Variants in TRPS1 observed in about 807,000 individuals in gnomAD.
TRPS1 encodes the protein zinc finger transcription factor Trps1.
In TRPS1, 6 loss-of-function variants were observed where a neutral mutation model predicts 101.2. The ratio of observed to expected loss-of-function variants is 0.06; its 90% CI spans 0.03 to 0.12. The LOEUF (loss-of-function observed/expected upper bound fraction) is 0.12. TRPS1 is among the 10% of genes least tolerant of loss of function. The probability of loss-of-function intolerance (pLI) is 1.00; values close to 1 mark genes in which losing one functional copy is unlikely to be tolerated. For synonymous variants in TRPS1, 578 were observed against 589.8 expected, an observed-to-expected ratio of 0.98 and a Z score of 0.29; for missense variants, 1,363 against 1,567.0, an observed-to-expected ratio of 0.87 and a Z score of 2.20.
intron 5 of TRPS1, among the ~76,000 whole-genome samples, chr8:115,491,904 A>C (rs754835584): frequency 3.3e-5 from 5 of 152,120 alleles, no homozygotes; most frequent in Non-Finnish European, 5.9e-5. Flanking sequence ...AGTTAATATA[A>C]ATTTTTATGA....
intron 4 of TRPS1, among the ~76,000 whole-genome samples, chr8:115,601,425 T>A (rs1335180238): frequency 6.6e-6 from 1 of 152,208 alleles, no homozygotes; most frequent in Non-Finnish European, 1.5e-5. Context: ...CCACTATTAC[T>A]GTTCAGCTTT....
chr8:115,633,640 C>A (rs1397033636), intron 1 of TRPS1, among the ~76,000 whole-genome samples: 1 of 152,048 alleles, frequency 6.6e-6, no homozygotes. Flanking sequence ...GTTAAGGTAA[C>A]CTGCTTACCC....
At chr8:115,475,266 T>TTATATA (rs33922102) in intron 5 of TRPS1, among the ~76,000 whole-genome samples, 1,530 of 123,636 alleles carry the variant, frequency 0.012, 17 homozygotes, top group African/African-American at 0.023. Flanking sequence ...TGAATCACAG[T>TTATATA]TATATATATA....
At chr8:115,586,729 A>T (rs1467626236) in intron 5 of TRPS1, among the ~76,000 whole-genome samples, 4 of 152,198 alleles carry the variant, frequency 2.6e-5, no homozygotes, top group Non-Finnish European at 4.4e-5. Flanking sequence ...GTTGTTTTGT[A>T]TAGTCACCAG....
intron 5 of TRPS1, among the ~76,000 whole-genome samples, chr8:115,534,374 T>C (rs1816228560): frequency 1.3e-5 from 2 of 149,298 alleles, no homozygotes; most frequent in African/African-American, 2.5e-5. Flanking sequence ...ACACTGGAGA[T>C]TGAAGCTCTA....
intron 5 of TRPS1, among the ~76,000 whole-genome samples, chr8:115,420,218 A>G (rs1002622559): frequency 1.3e-5 from 2 of 152,174 alleles, no homozygotes; most frequent in African/African-American, 2.4e-5. Context: ...ACATTGCAAT[A>G]GCAAATGTTG....
At chr8:115,508,432 G>A (rs1234297743) in intron 5 of TRPS1, among the ~76,000 whole-genome samples, 1 of 152,040 alleles carries the variant, frequency 6.6e-6, no homozygotes. Flanking sequence ...ACTGTCCTCA[G>A]CCGAGGAAAC....
At chr8:115,476,511 T>C (rs1276894796) in intron 5 of TRPS1, among the ~76,000 whole-genome samples, 1 of 152,152 alleles carries the variant, frequency 6.6e-6, no homozygotes, top group Non-Finnish European at 1.5e-5. Context: ...CTCCTGAAGT[T>C]CGGCCAACTA....
chr8:115,507,644 C>T (rs533331650), intron 5 of TRPS1, among the ~76,000 whole-genome samples: 25 of 152,016 alleles, frequency 1.6e-4, no homozygotes, highest in Non-Finnish European at 2.8e-4. Flanking sequence ...TAAAACATTC[C>T]GCTAATATTA....
intron 4 of TRPS1, among the ~76,000 whole-genome samples, chr8:115,589,267 G>A (rs1050530213): frequency 6.6e-6 from 1 of 152,122 alleles, no homozygotes; most frequent in Non-Finnish European, 1.5e-5. Flanking sequence ...GTAAAGGAAG[G>A]CAATCAGCTG....
At chr8:115,514,855 A>T (rs1254365964) in intron 5 of TRPS1, among the ~76,000 whole-genome samples, 9 of 151,634 alleles carry the variant, frequency 5.9e-5, no homozygotes, top group Admixed American at 4.6e-4. Context: ...TAATATTCTC[A>T]TGTTCAAATG....
chr8:115,657,369 G>A lies in TRPS1; in HGVS notation c.-122+11176C>T, dbSNP rs568683061. 2.2e-4 allele frequency among the ~76,000 whole-genome samples: 33 copies of A among 152,080 alleles called. 1 individual carries two copies. The East Asian group carries it at 5.0e-3, about 23-fold the overall frequency. ...ATAGATGGCTACTATTCTAGTTTGC[G>A]TTACTCCCTCGACTTGATGGAAGTA... On this transcript the variant is annotated intron_variant, in intron 1 of 6. Coordinates refer to ENST00000395715, the MANE Select transcript of TRPS1 (RefSeq NM_014112.5).
intron 1 of TRPS1, among the ~76,000 whole-genome samples, chr8:115,658,816 A>G (rs1811733594): frequency 2.0e-5 from 3 of 152,154 alleles, no homozygotes; most frequent in South Asian, 2.1e-4. Context: ...AAAAATATGT[A>G]TAACACTAAA....
At chr8:115,580,437 T>A (rs1663098568) in intron 5 of TRPS1, among the ~76,000 whole-genome samples, 1 of 151,988 alleles carries the variant, frequency 6.6e-6, no homozygotes, top group African/African-American at 2.4e-5. Context: ...ACATACCTCA[T>A]TTTTGAATCA....
chr8:115,509,635 A>G (rs1051193306), intron 5 of TRPS1: 1 of 152,080 alleles, frequency 6.6e-6, no homozygotes, highest in African/African-American at 2.4e-5. Context: ...AATTTGCACT[A>G]GGGAAGTTTG....
chr8:115,417,692 G>C (rs1203602511), intron 6 of TRPS1, among the ~76,000 whole-genome samples: 1 of 152,132 alleles, frequency 6.6e-6, no homozygotes. Flanking sequence ...AAGCCAGCTG[G>C]AGATCTTAAA....
chr8:115,433,727 G>T (rs1563728191), intron 5 of TRPS1, among the ~76,000 whole-genome samples: 2 of 152,104 alleles, frequency 1.3e-5, no homozygotes, highest in South Asian at 2.1e-4. Context: ...GAAAGCCATT[G>T]TTAATTTCAA....
rs556130341 is a variant in TRPS1, at chr8:115,520,433, G to T, written c.2700+66568C>A. Reference sequence around the variant, plus strand: ...TTGGTAAAGCCATTTAACCTGTTGGGAGATGAACTAGATGACAAGTATAAT... The same window carrying T: ...TTGGTAAAGCCATTTAACCTGTTGGTAGATGAACTAGATGACAAGTATAAT... On this transcript the variant is annotated intron_variant, in intron 5 of 6. Coordinates refer to ENST00000395715, the MANE Select transcript of TRPS1 (RefSeq NM_014112.5). Among the ~76,000 whole-genome samples the T allele has an allele frequency of 4.6e-5, 7 of 151,864 alleles. No individual in the cohort carries two copies. In the South Asian group the frequency reaches 1.4e-3, roughly 31 times the overall value.
At chr8:115,503,288 A>G (rs148093416) in intron 5 of TRPS1, among the ~76,000 whole-genome samples, 57 of 150,406 alleles carry the variant, frequency 3.8e-4, no homozygotes, top group African/African-American at 1.4e-3. Flanking sequence ...GATACTACTT[A>G]AAGATGCCAC....
Sources: gnomAD v4.1 joint callset for allele counts (sites outside exome capture counted in the v4.1 genomes callset) on GRCh38, gnomAD v4.1.1 for gene constraint, MANE v1.5 for transcripts, NCBI Gene and HGNC (gene_info 2026-07-23, HGNC 2026-07-21) for gene names.